Variants in MAP4K4 observed in about 807,000 individuals in gnomAD.
MAP4K4 encodes HPK/GCK-like kinase HGK.
In MAP4K4, 38 loss-of-function variants were observed where a neutral mutation model predicts 189.6. The ratio of observed to expected loss-of-function variants is 0.20; its 90% confidence interval spans 0.15 to 0.26. The LOEUF (loss-of-function observed/expected upper bound fraction) is 0.26, where lower values mean the gene tolerates loss of function less well. Among genes scored for constraint, MAP4K4 ranks in the 10% least tolerant of loss-of-function variants. MAP4K4 has a pLI of 1.00. For synonymous variants in MAP4K4, 610 were observed against 624.3 expected (o/e 0.98, Z 0.34); for missense variants, 1,054 against 1,726.9 (o/e 0.61, Z 6.91).
Position 101,863,696 on chromosome 2 carries a change from C to G in MAP4K4, c.1867-125C>G, listed in dbSNP as rs187928941. 1.3e-5 allele frequency: 7 copies of G among 526,304 alleles called. No individual in the cohort carries two copies. The East Asian group carries it at 3.9e-4, about 29-fold the overall frequency. 32.6% of individuals were successfully genotyped at this position (526,304 alleles called of 1,614,324 possible). ...GTAACTGTTTCACTGCGTGGCTGACCTAACACTGTACCACCCCGGTGTGTA... is the reference window on the plus strand; with the variant it reads ...GTAACTGTTTCACTGCGTGGCTGACGTAACACTGTACCACCCCGGTGTGTA... On this transcript the variant is annotated intron_variant, in intron 16 of 32. Transcript: ENST00000324219.
In MAP4K4 at chr2:101,820,304, A is replaced by G. The variant is rs2095970104; in HGVS notation, c.181-3624A>G. On this transcript the variant is annotated intron_variant, in intron 3 of 32. Coordinates refer to ENST00000324219, the Ensembl canonical transcript of MAP4K4. The stretch of plus-strand genomic sequence containing the variant: ...ACCCTGGAAATAGTTTAGCCACTGC[A>G]GGGAGTGGAGGTAGGCAAAGGTAAG... 2.0e-5 allele frequency among the ~76,000 whole-genome samples: 3 copies of G among 152,314 alleles called. No homozygotes were observed. In the South Asian group the frequency reaches 6.2e-4, roughly 32 times the overall value.
intron 2 of MAP4K4, among the ~76,000 whole-genome samples, chr2:101,764,643 A>G (rs1334710589): frequency 6.6e-6 from 1 of 152,178 alleles, no homozygotes; most frequent in African/African-American, 2.4e-5. Context: ...TAATCATCTA[A>G]TAATTGTGTC....
exon 33 of MAP4K4, chr2:101,891,645 AG>A (rs2098568802): frequency 5.8e-6 from 1 of 171,736 alleles, no homozygotes; most frequent in Non-Finnish European, 1.3e-5. Flanking sequence ...TTTTATTGGC[AG>A]TGGGCACAAG....
At chr2:101,730,999 T>C (rs1322741479) in intron 2 of MAP4K4, among the ~76,000 whole-genome samples, 2 of 151,494 alleles carry the variant, frequency 1.3e-5, no homozygotes, top group Non-Finnish European at 2.9e-5. Context: ...TGAGCTGAGA[T>C]TGCGCCACTG....
intron 10 of MAP4K4, 30 bp downstream of exon 10, chr2:101,840,024 T>C: frequency 6.4e-7 from 1 of 1,560,002 alleles, no homozygotes; most frequent in Non-Finnish European, 8.6e-7. Context: ...TTTCATCCTT[T>C]AAAATTTTTA....
chr2:101,802,262 T>C (rs1352988599), intron 3 of MAP4K4, among the ~76,000 whole-genome samples: 1 of 152,188 alleles, frequency 6.6e-6, no homozygotes, highest in Admixed American at 6.5e-5. Flanking sequence ...ATTTCTACCA[T>C]AGCCTCTATC....
At chr2:101,830,116 G>A (rs1314897307) in intron 6 of MAP4K4, among the ~76,000 whole-genome samples, 7 of 151,604 alleles carry the variant, frequency 4.6e-5, no homozygotes, top group Admixed American at 3.3e-4. Context: ...CTCATGTTAC[G>A]GGCCTTTTCC....
rs1228638902 is a variant in MAP4K4 at position 101,873,840 on chromosome 2, TGTAGCTG to T, written c.3070+79_3070+85del. On this transcript the variant is annotated intron_variant, in intron 25 of 32. Coordinates refer to ENST00000324219, the Ensembl canonical transcript of MAP4K4. ...GAGTTGCTCTTTTGGGTGGCTTAGG[TGTAGCTG>T]GTTGTTCACAGGCACAGACCTCGGG... 4.7e-6 allele frequency: 5 copies of T among 1,072,032 alleles called. No individual in the cohort carries two copies. The Admixed American group carries it at 1.1e-4, about 23-fold the overall frequency. The allele number at this position is 1,072,032 out of a possible 1,614,324, so 66.4% of individuals were successfully genotyped here. A position where few individuals can be genotyped will look rare whatever the true frequency, so the allele number is the denominator to read the frequency against.
chr2:101,798,172 C>A (rs78044765), intron 3 of MAP4K4, among the ~76,000 whole-genome samples: 2,423 of 151,784 alleles, frequency 0.016, 74 homozygotes, highest in African/African-American at 0.055. Context: ...CTCAGCCTCC[C>A]AAAGTGCTGG....
Position 101,824,068 on chromosome 2 carries a change from C to T in MAP4K4, c.306+15C>T. ...ACCAACTCTGGGTAGGTGGATGTTT[C>T]CTGAGCATTTGTGGGCATTCCATTT... On this transcript the variant is annotated intron_variant, in intron 4 of 32. Transcript: ENST00000324219. 7.0e-7 allele frequency: 1 copy of T among 1,418,768 alleles called. No individual in the cohort carries two copies. The highest frequency in any genetic ancestry group is 9.3e-7 in the Non-Finnish European group (1 of 1,072,732). The allele number at this position is 1,418,768 out of a possible 1,614,324, so 87.9% of individuals were successfully genotyped here.
chr2:101,808,257 G>A (rs1204018357), intron 3 of MAP4K4, among the ~76,000 whole-genome samples: 1 of 152,146 alleles, frequency 6.6e-6, no homozygotes, highest in African/African-American at 2.4e-5. Context: ...CTTGTGCCCA[G>A]GGCCCTACAC....
At chr2:101,725,763 G>T (rs1248118408) in intron 2 of MAP4K4, among the ~76,000 whole-genome samples, 1 of 152,202 alleles carries the variant, frequency 6.6e-6, no homozygotes, top group Non-Finnish European at 1.5e-5. Flanking sequence ...GCTCTGGTTG[G>T]TGCATGTGTG....
intron 10 of MAP4K4, 116 bp downstream of exon 10, chr2:101,840,110 T>C (rs1266365565): frequency 2.0e-6 from 2 of 982,394 alleles, no homozygotes; most frequent in Non-Finnish European, 2.9e-6. Flanking sequence ...AGTGCTTGCA[T>C]GGTTTCTCTG....
chr2:101,778,691 G>A (rs773877420), intron 2 of MAP4K4, among the ~76,000 whole-genome samples: 7 of 152,112 alleles, frequency 4.6e-5, no homozygotes, highest in South Asian at 2.1e-4. Flanking sequence ...GCAGGGAGTC[G>A]TATGAAGGGA....
chr2:101,859,525 T>C, intron 14 of MAP4K4, 118 bp from the exon 15 acceptor site: 1 of 771,744 alleles, frequency 1.3e-6, no homozygotes, highest in Non-Finnish European at 2.1e-6. Flanking sequence ...CATTTTGCTT[T>C]CTTACAAAAC....
At chr2:101,730,673 C>G (rs1312638319) in intron 2 of MAP4K4, among the ~76,000 whole-genome samples, 2 of 152,164 alleles carry the variant, frequency 1.3e-5, no homozygotes, top group African/African-American at 4.8e-5. Context: ...TAGGGTTAAG[C>G]ATACGTTTTT....
At chr2:101,849,237 C>T (rs574708330) in intron 12 of MAP4K4, among the ~76,000 whole-genome samples, 1 of 152,294 alleles carries the variant, frequency 6.6e-6, no homozygotes, top group Admixed American at 6.5e-5. Flanking sequence ...ATCCTCCTGG[C>T]TCTACCTCTC....
intron 10 of MAP4K4, among the ~76,000 whole-genome samples, chr2:101,842,237 A>G (rs966692023): frequency 6.6e-6 from 1 of 152,100 alleles, no homozygotes; most frequent in African/African-American, 2.4e-5. Context: ...GCAGTTACAT[A>G]TCTTTTTGAA....
At chr2:101,709,131 GA>G (rs2044015211) in intron 2 of MAP4K4, among the ~76,000 whole-genome samples, 1 of 152,152 alleles carries the variant, frequency 6.6e-6, no homozygotes, top group African/African-American at 2.4e-5. Context: ...CTGGATGAGG[GA>G]AAAGCAGTTG....
Sources: gnomAD v4.1 joint callset for allele counts (sites outside exome capture counted in the v4.1 genomes callset) on GRCh38, gnomAD v4.1.1 for gene constraint, MANE v1.5 for transcripts, NCBI Gene and HGNC (gene_info 2026-07-23, HGNC 2026-07-21) for gene names.